MICAL2: variants seen among roughly 807,000 people sequenced by gnomAD.
MICAL2 encodes [F-actin]-monooxygenase MICAL2.
MICAL2 carries 77 observed loss-of-function variants against 127.3 expected under a neutral mutation model. The observed-to-expected ratio is 0.60, with a 90% CI of 0.50 to 0.73. The LOEUF is 0.73. Among genes scored for constraint, MICAL2 ranks in the 30% least tolerant of loss-of-function variants. The pLI, the probability that MICAL2 is intolerant of heterozygous loss-of-function variation, is 0.00. For synonymous variants in MICAL2, 570 were observed against 551.1 expected (o/e 1.03, Z -0.48); for missense variants, 1,351 against 1,434.4 (o/e 0.94, Z 0.94).
chr11:12,304,193 C>T (rs1051613909), intron 29 of MICAL2, among the ~76,000 whole-genome samples: 1 of 152,032 alleles, frequency 6.6e-6, no homozygotes, highest in Non-Finnish European at 1.5e-5. Context: ...TTGGACAACA[C>T]TGTTACAGAA....
chr11:12,344,397 A>T (rs751362954), intron 32 of MICAL2, among the ~76,000 whole-genome samples: 9 of 151,808 alleles, frequency 5.9e-5, no homozygotes, highest in Non-Finnish European at 1.2e-4. Flanking sequence ...AAAAGGCTAG[A>T]GGTCTTGGAG....
chr11:12,298,442 CTT>C lies in MICAL2; in HGVS notation c.5212+3587_5212+3588del. Reference sequence around the variant, plus strand: ...CAATCATAACACCTGCAAATTATAACTTTACTTTTTGCTTTTAAATTGTATAC... The same window carrying C: ...CAATCATAACACCTGCAAATTATAACTACTTTTTGCTTTTAAATTGTATAC... On this transcript the variant is annotated intron_variant, in intron 29 of 34. Transcript: ENST00000646065. Among the ~76,000 whole-genome samples the C allele has an allele frequency of 2.0e-5, 3 of 152,194 alleles. No homozygotes were observed. The South Asian group carries it at 6.2e-4, about 32-fold the overall frequency.
chr11:12,278,632 TG>T (rs1026214921), intron 1 of MICAL2, among the ~76,000 whole-genome samples: 1 of 152,186 alleles, frequency 6.6e-6, no homozygotes, highest in African/African-American at 2.4e-5. Flanking sequence ...GGGGAATGGA[TG>T]AAGCAGGCGT....
At chr11:12,196,702 C>T (rs1261722715) in intron 3 of MICAL2, among the ~76,000 whole-genome samples, 1 of 152,170 alleles carries the variant, frequency 6.6e-6, no homozygotes, top group Non-Finnish European at 1.5e-5. Flanking sequence ...AAAGTAGCAC[C>T]TCCATCCTAT....
intron 1 of MICAL2, among the ~76,000 whole-genome samples, chr11:12,112,045 G>A (rs1393008590): frequency 6.6e-6 from 1 of 152,196 alleles, no homozygotes. Flanking sequence ...TTCCAAAAAC[G>A]CTGAGAGTTT....
At chr11:12,220,644 G>C (rs969417129) in intron 9 of MICAL2, among the ~76,000 whole-genome samples, 186 bp downstream of exon 9, 1 of 152,250 alleles carries the variant, frequency 6.6e-6, no homozygotes, top group Non-Finnish European at 1.5e-5. Flanking sequence ...AGCCTATTCT[G>C]CCTCTGTGTA....
At chr11:12,149,728 T>C (rs1388711473) in intron 2 of MICAL2, among the ~76,000 whole-genome samples, 1 of 152,074 alleles carries the variant, frequency 6.6e-6, no homozygotes, top group Non-Finnish European at 1.5e-5. Flanking sequence ...GCAAGGGAAA[T>C]TGGCCACACG....
chr11:12,236,847 G>A (rs896685254), intron 16 of MICAL2, among the ~76,000 whole-genome samples: 19 of 152,204 alleles, frequency 1.2e-4, no homozygotes, highest in East Asian at 9.6e-4. Flanking sequence ...AGATATACAC[G>A]TCATTCAAAA....
chr11:12,211,498 T>A (rs1855461148), intron 6 of MICAL2, among the ~76,000 whole-genome samples: 2 of 152,196 alleles, frequency 1.3e-5, no homozygotes, highest in African/African-American at 4.8e-5. Context: ...TGTGGGGCAT[T>A]CCCAAAGGTG....
At chr11:12,211,621 C>T (rs886657653) in intron 6 of MICAL2, among the ~76,000 whole-genome samples, 10 of 152,134 alleles carry the variant, frequency 6.6e-5, no homozygotes, top group African/African-American at 2.4e-4. Flanking sequence ...CAGATGACAG[C>T]AAGATGGGGG....
intron 32 of MICAL2, among the ~76,000 whole-genome samples, chr11:12,333,399 T>C (rs1297476882): frequency 6.6e-6 from 1 of 152,046 alleles, no homozygotes; most frequent in Non-Finnish European, 1.5e-5. Flanking sequence ...ACTTTCTTAA[T>C]TGAAACATAT....
At chr11:12,338,116 T>A (rs1159283158) in intron 32 of MICAL2, among the ~76,000 whole-genome samples, 1 of 152,220 alleles carries the variant, frequency 6.6e-6, no homozygotes, top group Non-Finnish European at 1.5e-5. Flanking sequence ...ACTAAGGACT[T>A]GCTTTATGAA....
intron 3 of MICAL2, among the ~76,000 whole-genome samples, chr11:12,170,943 CT>C (rs1856177666): frequency 1.3e-5 from 2 of 152,230 alleles, no homozygotes; most frequent in African/African-American, 4.8e-5. Flanking sequence ...GGAGCGAACT[CT>C]GTGGCTCAAA....
chr11:12,327,198 T>C (rs199864581), exon 32 of MICAL2: 1 of 1,551,158 alleles, frequency 6.4e-7, no homozygotes, highest in Non-Finnish European at 8.7e-7. Flanking sequence ...CTGGAGGAGG[T>C]GGAGGAGCGG....
At chr11:12,337,698 C>A (rs1266125937) in intron 32 of MICAL2, among the ~76,000 whole-genome samples, 3 of 151,916 alleles carry the variant, frequency 2.0e-5, no homozygotes, top group Non-Finnish European at 4.4e-5. Flanking sequence ...TTTCTGCCTT[C>A]ATTTCGTTAT....
intron 1 of MICAL2, among the ~76,000 whole-genome samples, chr11:12,135,052 G>C (rs1315854866): frequency 6.6e-6 from 1 of 152,136 alleles, no homozygotes; most frequent in Non-Finnish European, 1.5e-5. Flanking sequence ...GGAGTTTTCA[G>C]ATTGGAATTT....
intron 1 of MICAL2, among the ~76,000 whole-genome samples, chr11:12,115,418 G>A (rs1225200417): frequency 7.9e-5 from 12 of 152,164 alleles, no homozygotes. Context: ...CCCTCAACAT[G>A]AAGACATGGT....
intron 3 of MICAL2, among the ~76,000 whole-genome samples, chr11:12,194,971 T>G (rs1345799159): frequency 6.6e-6 from 1 of 152,242 alleles, no homozygotes; most frequent in Non-Finnish European, 1.5e-5. Context: ...ACATTTTACC[T>G]TAAACCTGGG....
chr11:12,223,518 G>C lies in MICAL2; in HGVS notation c.1540+17G>C. On this transcript the variant is annotated intron_variant, in intron 12 of 27. Coordinates refer to ENST00000683283, the MANE Select transcript of MICAL2 (RefSeq NM_001282663.2). ...CCAGGAAGGGTAAGCGGCCCTCCTG[G>C]GACCCTGGTGGGTGGCTGGGAAGAG... The C allele has an allele frequency of 6.2e-7, 1 of 1,608,984 alleles. No homozygotes were observed.
Sources: gnomAD v4.1 joint callset for allele counts (sites outside exome capture counted in the v4.1 genomes callset) on GRCh38, gnomAD v4.1.1 for gene constraint, MANE v1.5 for transcripts, NCBI Gene and HGNC (gene_info 2026-07-23, HGNC 2026-07-21) for gene names.